Variants in SOX6 observed in about 807,000 individuals in gnomAD.
The protein encoded by SOX6 is SRY-box transcription factor 6, also known as transcription factor SOX-6.
In SOX6, 11 loss-of-function variants were observed where a neutral mutation model predicts 97.8. The ratio of observed to expected loss-of-function variants is 0.11; its 90% CI spans 0.07 to 0.19. The LOEUF (loss-of-function observed/expected upper bound fraction) is 0.19, where lower values mean the gene tolerates loss of function less well. Ranked by LOEUF, SOX6 falls within the 10% of genes least tolerant of loss-of-function variation. The probability of loss-of-function intolerance (pLI) is 1.00; values close to 1 mark genes in which losing one functional copy is unlikely to be tolerated. For synonymous variants in SOX6, 360 were observed against 371.4 expected, an observed-to-expected ratio of 0.97 and a Z score of 0.35; for missense variants, 810 against 1,039.5, an observed-to-expected ratio of 0.78 and a Z score of 3.04.
intron 3 of SOX6, among the ~76,000 whole-genome samples, chr11:16,297,339 T>C (rs1347973697): frequency 2.0e-5 from 3 of 152,148 alleles, no homozygotes; most frequent in Non-Finnish European, 4.4e-5. Flanking sequence ...AATACTTCAC[T>C]GAATTTATCA....
chr11:16,517,441 G>C (rs918415717), intron 4 of SOX6, among the ~76,000 whole-genome samples: 3 of 152,212 alleles, frequency 2.0e-5, no homozygotes, highest in African/African-American at 7.2e-5. Flanking sequence ...CATTGTGTCA[G>C]AGTTGATGTA....
In SOX6 at chr11:16,020,920, A is replaced by G. The variant is rs185085117; in HGVS notation, c.1624-5870T>C. Among the ~76,000 whole-genome samples the G allele has an allele frequency of 3.1e-3, 471 of 152,260 alleles. 1 individual carries two copies. The highest frequency in any genetic ancestry group is 5.6e-3 in the Non-Finnish European group (381 of 68,010). On this transcript the variant is annotated intron_variant, in intron 12 of 15. Transcript: ENST00000683767. ...TTGCAGGTTTATATAAGGCCACATA[A>G]CTAATCTAGCCACATAAATCAAAAA...
At chr11:16,645,032 A>C (rs1280800110) in intron 3 of SOX6, among the ~76,000 whole-genome samples, 1 of 152,194 alleles carries the variant, frequency 6.6e-6, no homozygotes, top group Non-Finnish European at 1.5e-5. Context: ...GATGTATCTT[A>C]ATTTGGGGCT....
chr11:16,037,206 A>T (rs1855541570), intron 12 of SOX6, among the ~76,000 whole-genome samples: 1 of 152,208 alleles, frequency 6.6e-6, no homozygotes. Flanking sequence ...TCAGATATTT[A>T]AAAAATGTTT....
chr11:16,647,834 G>A (rs1401805662), intron 3 of SOX6, among the ~76,000 whole-genome samples: 2 of 152,152 alleles, frequency 1.3e-5, no homozygotes, highest in Non-Finnish European at 2.9e-5. Context: ...AGTAGCAGCA[G>A]GAAGTGCCTT....
At chr11:16,094,685 C>T (rs1199897555) in intron 9 of SOX6, among the ~76,000 whole-genome samples, 2 of 151,880 alleles carry the variant, frequency 1.3e-5, no homozygotes, top group East Asian at 1.9e-4. Context: ...CATAGATTTT[C>T]AGAATGCCCA....
At chr11:16,482,069 T>C (rs1860353546) in intron 4 of SOX6, among the ~76,000 whole-genome samples, 1 of 152,176 alleles carries the variant, frequency 6.6e-6, no homozygotes, top group Admixed American at 6.5e-5. Context: ...TCTGTTGTGA[T>C]ATGTTGGTTT....
At chr11:16,368,945 A>ACATAC (rs954498128) in intron 1 of SOX6, among the ~76,000 whole-genome samples, 1 of 152,172 alleles carries the variant, frequency 6.6e-6, no homozygotes, top group African/African-American at 2.4e-5. Context: ...TCTCCAAAGT[A>ACATAC]TGTATATAGG....
chr11:16,522,816 G>C (rs183630547), intron 4 of SOX6, among the ~76,000 whole-genome samples: 1 of 152,120 alleles, frequency 6.6e-6, no homozygotes, highest in Non-Finnish European at 1.5e-5. Context: ...GCAAAAAAAG[G>C]CATGGGTTGC....
At chr11:16,688,815 T>C (rs552771758) in intron 3 of SOX6, among the ~76,000 whole-genome samples, 88 of 152,332 alleles carry the variant, frequency 5.8e-4, no homozygotes, top group African/African-American at 2.0e-3. Context: ...ATGCCAGACA[T>C]TGTAAATTTT....
At chr11:16,076,333 G>A (rs1040610836) in intron 9 of SOX6, among the ~76,000 whole-genome samples, 3 of 151,454 alleles carry the variant, frequency 2.0e-5, no homozygotes, top group Non-Finnish European at 2.9e-5. Flanking sequence ...ATAGAATGGG[G>A]GAAATATTTG....
intron 3 of SOX6, among the ~76,000 whole-genome samples, chr11:16,705,952 C>G (rs1848129041): frequency 8.4e-6 from 1 of 118,910 alleles, no homozygotes; most frequent in Non-Finnish European, 1.7e-5. Context: ...ACATAGAAAA[C>G]AAATAGCAAA....
chr11:16,555,486 A>G (rs1847740098), intron 4 of SOX6, among the ~76,000 whole-genome samples: 1 of 151,566 alleles, frequency 6.6e-6, no homozygotes, highest in African/African-American at 2.4e-5. Flanking sequence ...GGTACATGTG[A>G]TATTTTGATA....
At chr11:16,536,064 G>A (rs1355632797) in intron 4 of SOX6, among the ~76,000 whole-genome samples, 3 of 152,258 alleles carry the variant, frequency 2.0e-5, no homozygotes, top group Non-Finnish European at 4.4e-5. Context: ...CTCACATGAG[G>A]GGACTATTAT....
At chr11:16,217,541 C>A (rs1355068190) in intron 4 of SOX6, among the ~76,000 whole-genome samples, 1 of 152,074 alleles carries the variant, frequency 6.6e-6, no homozygotes, top group Non-Finnish European at 1.5e-5. Flanking sequence ...TTAAAAATGT[C>A]TTAACAGTCA....
chr11:16,119,656 A>G (rs1417168147), intron 6 of SOX6, among the ~76,000 whole-genome samples: 1 of 152,220 alleles, frequency 6.6e-6, no homozygotes, highest in Non-Finnish European at 1.5e-5. Flanking sequence ...CTGAGAGCCA[A>G]CCAACTAGGA....
At chr11:16,718,669 G>A (rs551967357) in intron 2 of SOX6, among the ~76,000 whole-genome samples, 1 of 152,234 alleles carries the variant, frequency 6.6e-6, no homozygotes, top group East Asian at 1.9e-4. Flanking sequence ...CCTGAGTGGT[G>A]AGATTATAAA....
At chr11:16,341,923 T>C (rs1006805679) in intron 1 of SOX6, among the ~76,000 whole-genome samples, 1 of 152,042 alleles carries the variant, frequency 6.6e-6, no homozygotes, top group African/African-American at 2.4e-5. Context: ...ATTGAGTGGC[T>C]GATACTGTTA....
At chr11:16,537,179 C>A (rs1861323252) in intron 4 of SOX6, among the ~76,000 whole-genome samples, 1 of 152,198 alleles carries the variant, frequency 6.6e-6, no homozygotes, top group East Asian at 1.9e-4. Context: ...GATACCCAGG[C>A]AAACAAGATC....
Sources: gnomAD v4.1 joint callset for allele counts (sites outside exome capture counted in the v4.1 genomes callset) on GRCh38, gnomAD v4.1.1 for gene constraint, MANE v1.5 for transcripts, NCBI Gene and HGNC (gene_info 2026-07-23, HGNC 2026-07-21) for gene names.